The following ZDHHC13 variants were observed in gnomAD, a reference collection of about 807,000 sequenced individuals.
ZDHHC13 encodes zDHHC palmitoyltransferase 13, also known as palmitoyltransferase ZDHHC13.
In ZDHHC13, 85 loss-of-function variants were observed where a neutral mutation model predicts 86.0. That is an observed-to-expected ratio of 0.99 (90% confidence interval 0.83 to 1.18). The LOEUF (loss-of-function observed/expected upper bound fraction) is 1.18, where lower values mean the gene tolerates loss of function less well. Among genes scored for constraint, ZDHHC13 ranks in the 50% most tolerant of loss-of-function variants. The pLI is 0.00. For missense variants in ZDHHC13, 711 were observed against 730.2 expected (o/e 0.97, Z 0.30); for synonymous variants, 263 against 246.4 (o/e 1.07, Z -0.63).
chr11:19,155,424 T>C (rs1849727560), intron 8 of ZDHHC13, among the ~76,000 whole-genome samples: 1 of 151,868 alleles, frequency 6.6e-6, no homozygotes, highest in African/African-American at 2.4e-5. Context: ...CTACTAAATA[T>C]ACAAAAATTA....
In ZDHHC13 at chr11:19,138,103, A is replaced by C. The variant is rs1480969818; in HGVS notation, c.28-4875A>C. On this transcript the variant is annotated intron_variant, in intron 1 of 16. Transcript: ENST00000446113. ...AAATAGAGACACAAAAAAACCCTTCAAAAAATTAATGAATACAGGAGCTGG... is the reference window on the plus strand; with the variant it reads ...AAATAGAGACACAAAAAAACCCTTCCAAAAATTAATGAATACAGGAGCTGG... 6.6e-5 allele frequency among the ~76,000 whole-genome samples: 10 copies of C among 152,208 alleles called. No individual in the cohort carries two copies. The East Asian group carries it at 1.3e-3, about 21-fold the overall frequency.
rs748857771 is a variant in ZDHHC13, at chr11:19,163,358, A to G, written c.1164A>G (p.Leu388=). 9.3e-6 allele frequency: 15 copies of G among 1,608,644 alleles called. No homozygotes were observed. The highest frequency in any genetic ancestry group is 2.7e-5 in the African/African-American group (2 of 74,582). Residue 388 remains leucine (L), a synonymous_variant, in exon 11 of 17, where the codon CTA becomes CTG. Coordinates refer to ENST00000446113, the MANE Select transcript of ZDHHC13 (RefSeq NM_019028.3). ...TCATTTTCAGCATAGTAGCCTTTCT[A>G]TACTTTTTCTATAAGACTTGGGCAA... ...FSFIFSIVAF[L]YFFYKTWATD...
Position 19,138,332 on chromosome 11 carries a change from C to T in ZDHHC13, c.28-4646C>T, listed in dbSNP as rs1264270150. 1.2e-3 allele frequency among the ~76,000 whole-genome samples: 185 copies of T among 151,878 alleles called. No individual in the cohort carries two copies. The Middle Eastern group carries it at 0.014, about 11-fold the overall frequency. ...ATCTAGAAGAAAGGGATAAATTCCT[C>T]AACACATACACTCTCCCAAGACTAA... On this transcript the variant is annotated intron_variant, in intron 1 of 16. Coordinates refer to ENST00000446113, the MANE Select transcript of ZDHHC13 (RefSeq NM_019028.3).
At chr11:19,162,208 T>C (rs568683344) in intron 10 of ZDHHC13, among the ~76,000 whole-genome samples, 1 of 152,258 alleles carries the variant, frequency 6.6e-6, no homozygotes, top group Admixed American at 6.5e-5. Flanking sequence ...AGGTTAGATC[T>C]AAAAGACAGC....
At chr11:19,126,315 C>T (rs1391731444) in intron 1 of ZDHHC13, among the ~76,000 whole-genome samples, 4 of 149,448 alleles carry the variant, frequency 2.7e-5, no homozygotes, top group East Asian at 2.0e-4. Flanking sequence ...GTCTGTTGTT[C>T]CCTTCTTCTT....
intron 1 of ZDHHC13, among the ~76,000 whole-genome samples, chr11:19,119,114 C>G (rs549594776): frequency 8.6e-5 from 13 of 152,032 alleles, no homozygotes; most frequent in African/African-American, 3.1e-4. Flanking sequence ...CTGACCTCAT[C>G]TTTTTTTTCT....
rs58806796 is a variant in ZDHHC13, at chr11:19,175,389, CAAAAAAAAAAAAA to C, written c.1731-417_1731-405del. On this transcript the variant is annotated intron_variant, in intron 16 of 16. Transcript: ENST00000446113. Reference sequence around the variant, plus strand: ...TGGGTGACAGAGCGAGACTCCGTCTCAAAAAAAAAAAAAAAAAAAAAAAAAAAAGGTTTAGGGA... The same window carrying C: ...TGGGTGACAGAGCGAGACTCCGTCTCAAAAAAAAAAAAAAAGGTTTAGGGA... 5.7e-3 allele frequency among the ~76,000 whole-genome samples: 323 copies of C among 56,390 alleles called. 4 individuals are homozygous for C. The highest frequency in any genetic ancestry group is 0.018 in the African/African-American group (296 of 16,086). The allele number at this position is 56,390 out of a possible 152,430, so 37.0% of individuals were successfully genotyped here. A position where few individuals can be genotyped will look rare whatever the true frequency, so the allele number is the denominator to read the frequency against.
At chr11:19,125,359 A>G (rs2133362207) in intron 1 of ZDHHC13, among the ~76,000 whole-genome samples, 1 of 152,346 alleles carries the variant, frequency 6.6e-6, no homozygotes, top group East Asian at 1.9e-4. Context: ...CAGGTGGCAA[A>G]TAAGCATGTG....
At chr11:19,164,500 T>C in intron 12 of ZDHHC13, 137 bp downstream of exon 12, 1 of 789,590 alleles carries the variant, frequency 1.3e-6, no homozygotes, top group Admixed American at 2.5e-5. Flanking sequence ...CATTCCTGTC[T>C]GAACAGCTTT....
intron 1 of ZDHHC13, among the ~76,000 whole-genome samples, chr11:19,126,559 A>G (rs1848884013): frequency 7.7e-6 from 1 of 129,570 alleles, no homozygotes; most frequent in Admixed American, 8.9e-5. Flanking sequence ...CATGTTGACC[A>G]GGCTGTTCTT....
At chr11:19,118,225 G>T (rs990962875) in intron 1 of ZDHHC13, among the ~76,000 whole-genome samples, 1 of 152,200 alleles carries the variant, frequency 6.6e-6, no homozygotes, top group African/African-American at 2.4e-5. Context: ...TTAGGCGGTA[G>T]ATTCTCAGTT....
At chr11:19,140,805 C>T (rs1849294923) in intron 1 of ZDHHC13, among the ~76,000 whole-genome samples, 1 of 151,528 alleles carries the variant, frequency 6.6e-6, no homozygotes, top group African/African-American at 2.4e-5. Context: ...TCTCAGTAAA[C>T]TATTGCAAGA....
chr11:19,148,632 G>A (rs570825541), intron 4 of ZDHHC13: 2 of 152,136 alleles, frequency 1.3e-5, no homozygotes, highest in Non-Finnish European at 2.9e-5. Flanking sequence ...TCAGGTTTAG[G>A]GTAGATTGGG....
intron 1 of ZDHHC13, among the ~76,000 whole-genome samples, chr11:19,133,479 C>T (rs1285166473): frequency 6.6e-6 from 1 of 151,692 alleles, no homozygotes; most frequent in Non-Finnish European, 1.5e-5. Flanking sequence ...TAGCCCCAAA[C>T]TGGGAACAGT....
Position 19,172,819 on chromosome 11 carries a change from A to G in ZDHHC13, c.1729A>G (p.Asn577Asp). 1 of 1,595,294 alleles carries G rather than the reference A, an allele frequency of 6.3e-7. No homozygotes were observed. Among genetic ancestry groups the G allele is most frequent in the Non-Finnish European group, 8.5e-7 (1 of 1,171,250 alleles). ...GTTGTCCCTCAGGAAGACACCATAC[A>G]AGTAAGCGAGACCTGTTTTGGATGC... The part of the protein sequence containing the change: ...QTLSLRKTPY[N>D]LGFMQNLADF... Residue 577 changes from asparagine (N) to aspartate (D), a missense_variant and splice_region_variant, in exon 16 of 17, where the codon AAT becomes GAT. Asn to Asp is a conservative substitution (Grantham distance 23). Transcript: ENST00000446113.
At chr11:19,126,908 C>T (rs1484359378) in intron 1 of ZDHHC13, among the ~76,000 whole-genome samples, 1 of 152,086 alleles carries the variant, frequency 6.6e-6, no homozygotes, top group African/African-American at 2.4e-5. Flanking sequence ...GTGAATAGTG[C>T]TACAGTCAAC....
rs1275475927 is a variant in ZDHHC13 at position 19,152,233 on chromosome 11, A to G, written c.660A>G (p.Pro220=). Residue 220 remains proline (P), a synonymous_variant, in exon 7 of 17, where the codon CCA becomes CCG. Coordinates refer to ENST00000446113, the MANE Select transcript of ZDHHC13 (RefSeq NM_019028.3). ...NVVDKIHQNT[P]LHWAVAAGNV... is the part of the protein sequence containing the mutation. ...TTGATAAAATACACCAAAACACTCCACTTCACTGGGCAGTTGCAGCAGGAA... is the reference window on the plus strand; with the variant it reads ...TTGATAAAATACACCAAAACACTCCGCTTCACTGGGCAGTTGCAGCAGGAA... 1 of 1,613,354 alleles carries G rather than the reference A, an allele frequency of 6.2e-7. No individual in the cohort carries two copies. The highest frequency in any genetic ancestry group is 1.1e-5 in the South Asian group (1 of 91,038).
At chr11:19,139,923 A>G (rs11025031) in intron 1 of ZDHHC13, among the ~76,000 whole-genome samples, 14,113 of 141,566 alleles carry the variant, frequency 0.1, 798 homozygotes, top group Non-Finnish European at 0.14. Flanking sequence ...TTCAAGATGG[A>G]TTAAAGACTT....
chr11:19,170,682 C>A, intron 15 of ZDHHC13, 114 bp downstream of exon 15: 2 of 1,022,432 alleles, frequency 2.0e-6, no homozygotes, highest in South Asian at 1.7e-5. Flanking sequence ...CTGTCACTGA[C>A]TCTGTGGGTC....
Sources: gnomAD v4.1 joint callset for allele counts (sites outside exome capture counted in the v4.1 genomes callset) on GRCh38, gnomAD v4.1.1 for gene constraint, MANE v1.5 for transcripts, NCBI Gene and HGNC (gene_info 2026-07-23, HGNC 2026-07-21) for gene names.